The following STARD9 variants were observed in gnomAD, a reference collection of about 807,000 sequenced individuals.
STARD9 encodes the protein stAR-related lipid transfer protein 9.
Under a neutral mutation model 399.8 loss-of-function variants are expected in STARD9, and 346 were observed. That is an observed-to-expected ratio of 0.87 (90% CI 0.79 to 0.95). The LOEUF is 0.95. Ranked by LOEUF, STARD9 falls within the 40% of genes least tolerant of loss-of-function variation. STARD9 has a pLI of 0.00. For synonymous variants in STARD9, 2,203 were observed against 2,143.5 expected (o/e 1.03, Z -0.77); for missense variants, 5,832 against 5,667.5 (o/e 1.03, Z -0.93).
rs774397521 is a variant in STARD9 at position 42,689,321 on chromosome 15, A to G, written c.7743A>G (p.Leu2581=). 6.5e-7 allele frequency: 1 copy of G among 1,537,242 alleles called. No individual in the cohort carries two copies. Among genetic ancestry groups the G allele is most frequent in the South Asian group, 1.2e-5 (1 of 84,064 alleles). The part of the protein sequence containing the change: ...RGTVLSYCET[L]LEPECSSRVA... ...CAGTCCTTTCTTACTGTGAAACTTT[A>G]CTAGAACCCGAATGTTCTTCAAGGG... Residue 2581 remains leucine, a synonymous_variant, in exon 23 of 33, where the codon TTA becomes TTG. Coordinates refer to ENST00000290607, the MANE Select transcript of STARD9 (RefSeq NM_020759.3).
intron 9 of STARD9, among the ~76,000 whole-genome samples, chr15:42,660,184 G>A (rs1275519831): frequency 6.6e-6 from 1 of 152,186 alleles, no homozygotes; most frequent in African/African-American, 2.4e-5. Flanking sequence ...TCAAGCTGGG[G>A]ATGGGAACAG....
At chr15:42,719,006 GC>G in intron 32 of STARD9, 96 bp downstream of exon 32, 2 of 1,179,714 alleles carry the variant, frequency 1.7e-6, no homozygotes, top group Non-Finnish European at 2.4e-6. Context: ...ACCCTCCAGT[GC>G]CCAGGCCCTT....
At chr15:42,668,506 C>T (rs1183876534) in intron 15 of STARD9, among the ~76,000 whole-genome samples, 1 of 151,932 alleles carries the variant, frequency 6.6e-6, no homozygotes, top group Admixed American at 6.6e-5. Context: ...CTAAAGTGGT[C>T]TTAGCTTAAG....
chr15:42,577,908 G>A (rs2058089737), intron 1 of STARD9, among the ~76,000 whole-genome samples: 1 of 152,112 alleles, frequency 6.6e-6, no homozygotes, highest in South Asian at 2.1e-4. Context: ...GTTGTGCTTG[G>A]GAAGAAATCT....
At chr15:42,630,322 G>A (rs1193881084) in intron 3 of STARD9, among the ~76,000 whole-genome samples, 1 of 152,048 alleles carries the variant, frequency 6.6e-6, no homozygotes, top group Non-Finnish European at 1.5e-5. Context: ...TTTTTCACAT[G>A]TTGTTGAATT....
chr15:42,695,154 T>C lies in STARD9; in HGVS notation c.12977T>C (p.Val4326Ala), dbSNP rs2060814515. The C allele has an allele frequency of 6.5e-7, 1 of 1,531,958 alleles. No individual in the cohort carries two copies. The allele number at this position is 1,531,958 out of a possible 1,614,324, so 94.9% of individuals were successfully genotyped here. Residue 4326 changes from valine (V) to alanine (A), a missense_variant, in exon 25 of 33, where the codon GTG becomes GCG. Around this residue, in one of 2 missense-constraint regions of STARD9, gnomAD observed 5,828 missense variants for 5,651.1 expected, o/e 1.03. Transcript: ENST00000290607. ...VVETTRSPESVSRSAHTPSDI... is the reference protein window; with the variant it reads ...VVETTRSPESASRSAHTPSDI... ...ATCTTCCTCAGGAGCCCAGAGTCAG[T>C]GTCAAGGTCAGCTCACACACCCTCT...
At chr15:42,644,939 C>A (rs1486062537) in intron 7 of STARD9, among the ~76,000 whole-genome samples, 1 of 152,176 alleles carries the variant, frequency 6.6e-6, no homozygotes, top group Non-Finnish European at 1.5e-5. Flanking sequence ...CCATAAGAAG[C>A]AACTCATCAT....
In STARD9 at chr15:42,674,932, G is replaced by A. The variant is rs202074007; in HGVS notation, c.1655G>A (p.Arg552Gln). 1.0e-5 allele frequency: 16 copies of A among 1,536,324 alleles called. No individual in the cohort carries two copies. The highest frequency in any genetic ancestry group is 4.9e-5 in the East Asian group (2 of 40,896). Reference sequence around the variant, plus strand: ...GGGGCCCGCTGTACAGTCAATGGCCGGGAGGTCACTGCCTCCTGCCGTCTG... The same window carrying A: ...GGGGCCCGCTGTACAGTCAATGGCCAGGAGGTCACTGCCTCCTGCCGTCTG... ...ARGARCTVNGREVTASCRLTQ... is the reference protein window; with the variant it reads ...ARGARCTVNGQEVTASCRLTQ... The change falls in exon 18 of 33, where the codon CGG becomes CAG. Residue 552 changes from arginine to glutamine, a missense_variant. By Grantham distance (43) the Arg-to-Gln change is conservative (BLOSUM62 1). Coordinates refer to ENST00000290607, the MANE Select transcript of STARD9 (RefSeq NM_020759.3).
At chr15:42,665,697 C>A in intron 14 of STARD9, 89 bp from the exon 15 acceptor site, 1 of 1,018,476 alleles carries the variant, frequency 9.8e-7, no homozygotes, top group Non-Finnish European at 1.5e-6. Flanking sequence ...CCTTTATCTG[C>A]ATCTTATCCT....
chr15:42,591,187 A>G (rs1446581609), intron 3 of STARD9, among the ~76,000 whole-genome samples: 1 of 152,222 alleles, frequency 6.6e-6, no homozygotes, highest in Middle Eastern at 3.4e-3. Flanking sequence ...CCCAACTGTG[A>G]CAATAAAAAA....
intron 3 of STARD9, among the ~76,000 whole-genome samples, chr15:42,615,610 GA>G (rs2058947227): frequency 6.6e-6 from 1 of 150,994 alleles, no homozygotes; most frequent in Non-Finnish European, 1.5e-5. Context: ...GTGTGTTTAT[GA>G]TTATGACTAT....
chr15:42,600,830 G>T (rs1268153434), intron 3 of STARD9, among the ~76,000 whole-genome samples: 1 of 148,814 alleles, frequency 6.7e-6, no homozygotes, highest in African/African-American at 2.5e-5. Context: ...AGCCTGCTTC[G>T]TTTATCTCAC....
At chr15:42,711,337 C>T (rs1234501337) in intron 26 of STARD9, among the ~76,000 whole-genome samples, 3 of 152,104 alleles carry the variant, frequency 2.0e-5, no homozygotes, top group Admixed American at 6.5e-5. Context: ...GACGGGGTTT[C>T]ACCATGTTGG....
At chr15:42,652,342 G>C (rs2059778873) in intron 8 of STARD9, among the ~76,000 whole-genome samples, 178 bp from the exon 9 acceptor site, 1 of 151,990 alleles carries the variant, frequency 6.6e-6, no homozygotes, top group African/African-American at 2.4e-5. Context: ...TCAGCACCTA[G>C]AGTGCTGCTT....
chr15:42,675,593 G>C (rs2060293210), intron 18 of STARD9, 71 bp from the exon 19 acceptor site: 1 of 1,198,022 alleles, frequency 8.3e-7, no homozygotes, highest in Non-Finnish European at 1.2e-6. Flanking sequence ...TCACAGAGCA[G>C]TGCCGTACAC....
chr15:42,575,830 C>T (rs2058041635), intron 1 of STARD9, 68 bp downstream of exon 1: 19 of 1,467,720 alleles, frequency 1.3e-5, no homozygotes, highest in Non-Finnish European at 1.8e-5. Flanking sequence ...GTCCGCGTCT[C>T]CCCCTGCAGA....
chr15:42,675,530 A>G (rs773402184), intron 18 of STARD9, 134 bp from the exon 19 acceptor site: 1 of 647,910 alleles, frequency 1.5e-6, no homozygotes, highest in Non-Finnish European at 2.7e-6. Flanking sequence ...CAGAATTAAT[A>G]TGTATCTTAT....
chr15:42,619,545 C>G (rs910662537), intron 3 of STARD9, among the ~76,000 whole-genome samples: 2 of 110,686 alleles, frequency 1.8e-5, no homozygotes, highest in African/African-American at 5.5e-5. Context: ...CAGCGCAAGA[C>G]TGTCTCAAAA....
rs1033106684 is a variant in STARD9 at position 42,719,711 on chromosome 15, C to T, written c.*137C>T. On this transcript the variant is annotated 3_prime_UTR_variant, in exon 33 of 33. Transcript: ENST00000290607. ...ACCTGCTGTGGCCGATTGGGGCAGA[C>T]AGCACTGGCCCAGGGATGCTAGCAA... is the stretch of plus-strand genomic sequence containing the variant. 27 of 626,270 alleles carry T rather than the reference C, an allele frequency of 4.3e-5. No homozygotes were observed. Among genetic ancestry groups the T allele is most frequent in the Non-Finnish European group, 5.9e-5 (21 of 357,444 alleles). The allele number at this position is 626,270 out of a possible 1,614,324, so 38.8% of individuals were successfully genotyped here. A position where few individuals can be genotyped will look rare whatever the true frequency, so the allele number is the denominator to read the frequency against.
Sources: gnomAD v4.1 joint callset for allele counts (sites outside exome capture counted in the v4.1 genomes callset) on GRCh38, gnomAD v4.1.1 for gene constraint, gnomAD v4.1.1 regional missense constraint, MANE v1.5 for transcripts, NCBI Gene and HGNC (gene_info 2026-07-23, HGNC 2026-07-21) for gene names.